GOSR2: variants seen among roughly 807,000 people sequenced by gnomAD.
GOSR2 encodes golgi SNAP receptor complex member 2, also known as 27 kDa Golgi SNARE protein.
Under a neutral mutation model 27.9 loss-of-function variants are expected in GOSR2, and 20 were observed. That is an observed-to-expected ratio of 0.72 (90% confidence interval 0.50 to 1.04). The LOEUF (loss-of-function observed/expected upper bound fraction) is 1.04, where lower values mean the gene tolerates loss of function less well. GOSR2 is among the 50% of genes least tolerant of loss of function. The pLI is 0.00. For missense variants in GOSR2, 261 were observed against 270.5 expected (o/e 0.97, Z 0.25); for synonymous variants, 91 against 98.8 (o/e 0.92, Z 0.47).
chr17:46,931,030 T>C (rs2087286424), intron 2 of GOSR2, 69 bp from the exon 3 acceptor site: 2 of 882,106 alleles, frequency 2.3e-6, no homozygotes, highest in Non-Finnish European at 3.8e-6. Context: ...AAAAAATCTG[T>C]GATTTATCAT....
intron 6 of GOSR2, among the ~76,000 whole-genome samples, chr17:46,956,383 C>T (rs555877754): frequency 8.9e-4 from 128 of 144,410 alleles, no homozygotes; most frequent in African/African-American, 3.0e-3. Flanking sequence ...CTCCACCTCC[C>T]GGGTTCAAGC....
At chr17:46,964,839 G>GAA (rs1000474497) in intron 6 of GOSR2, 1 of 152,148 alleles carries the variant, frequency 6.6e-6, no homozygotes, top group Non-Finnish European at 1.5e-5. Context: ...GACAAGAAAA[G>GAA]AAAAAAGGAG....
chr17:46,968,129 C>T (rs564727581), downstream of GOSR2, among the ~76,000 whole-genome samples: 1 of 152,206 alleles, frequency 6.6e-6, no homozygotes, highest in Non-Finnish European at 1.5e-5. Context: ...CACTGCTGTT[C>T]CTTCTCTTCA....
downstream of GOSR2, among the ~76,000 whole-genome samples, chr17:46,943,498 C>G (rs1345105130): frequency 3.3e-5 from 5 of 152,246 alleles, no homozygotes; most frequent in Non-Finnish European, 5.9e-5. Context: ...CCCCCACAAT[C>G]CCATGAAACC....
At chr17:46,932,030 G>T in intron 3 of GOSR2, 37 bp from the exon 4 acceptor site, 1 of 1,608,392 alleles carries the variant, frequency 6.2e-7, no homozygotes. Flanking sequence ...GCTGCCCTGA[G>T]TTCCTGGAAT....
In GOSR2 at chr17:46,926,226, G is replaced by A. The variant is rs527821071; in HGVS notation, c.29+3005G>A. Reference sequence around the variant, plus strand: ...TTAATGAGCGAAATGTAAAGGCAAAGTGAGTGAAATGAAAATGACCAGATT... The same window carrying A: ...TTAATGAGCGAAATGTAAAGGCAAAATGAGTGAAATGAAAATGACCAGATT... On this transcript the variant is annotated intron_variant, in intron 1 of 5. Transcript: ENST00000640051. Among the ~76,000 whole-genome samples the A allele has an allele frequency of 2.0e-5, 3 of 152,276 alleles. No homozygotes were observed. In the East Asian group the frequency reaches 5.8e-4, roughly 29 times the overall value.
At chr17:46,935,369 T>C in intron 5 of GOSR2, 200 bp downstream of exon 5, 4 of 1,446,992 alleles carry the variant, frequency 2.8e-6, no homozygotes, top group Non-Finnish European at 3.6e-6. Flanking sequence ...TTGCCAGTGC[T>C]TGAAACAAAC....
intron 4 of GOSR2, among the ~76,000 whole-genome samples, chr17:46,933,941 C>CA (rs4060607): frequency 2.8e-5 from 4 of 144,358 alleles, no homozygotes; most frequent in African/African-American, 1.0e-4. Context: ...GAGCCTGTCT[C>CA]AAAAAAAAAA....
downstream of GOSR2, among the ~76,000 whole-genome samples, chr17:46,967,705 T>G (rs1205760083): frequency 6.6e-6 from 1 of 151,838 alleles, no homozygotes; most frequent in Non-Finnish European, 1.5e-5. Context: ...GAAAACTGGC[T>G]CAAGCATTCA....
chr17:46,966,587 G>C (rs890319094), exon 7 of GOSR2: 4 of 691,936 alleles, frequency 5.8e-6, no homozygotes, highest in Middle Eastern at 2.3e-4. Flanking sequence ...GAGCTCAAGA[G>C]ATCCTCCTGC....
downstream of GOSR2, among the ~76,000 whole-genome samples, chr17:46,946,457 G>T (rs1270041224): frequency 1.1e-5 from 1 of 89,912 alleles, no homozygotes; most frequent in South Asian, 4.2e-4. Flanking sequence ...GCAAAACTCC[G>T]TCTCAAAAAA....
intron 1 of GOSR2, among the ~76,000 whole-genome samples, chr17:46,929,244 A>G (rs1209567874): frequency 1.3e-5 from 2 of 152,162 alleles, no homozygotes; most frequent in Admixed American, 1.3e-4. Context: ...TAAAATGAGG[A>G]TGATAATGGT....
Position 46,932,070 on chromosome 17 carries a change from G to T in GOSR2, c.207G>T (p.Arg69=). ...PPNKRQNARL[R]VDQLKYDVQH... ...TCTCTCTCTCCATCAATTCCAGTCG[G>T]GTTGACCAGTTAAAGTATGATGTCC... Residue 69 remains arginine, a synonymous_variant, in exon 4 of 6, where the codon CGG becomes CGT. Transcript: ENST00000640051. 1 of 1,613,656 alleles carries T rather than the reference G, an allele frequency of 6.2e-7. No homozygotes were observed. The highest frequency in any genetic ancestry group is 8.5e-7 in the Non-Finnish European group (1 of 1,179,568).
In GOSR2 at chr17:46,938,751, C is replaced by T; in HGVS notation, c.630C>T (p.Tyr210=). 1 of 1,613,890 alleles carries T rather than the reference C, an allele frequency of 6.2e-7. No individual in the cohort carries two copies. Residue 210 remains tyrosine, a synonymous_variant, in exon 6 of 6, where the codon TAC becomes TAT. Transcript: ENST00000640051. The part of the protein sequence containing the change: ...TCVVMFLVVQ[Y]LT ...TGGTCATGTTCCTCGTGGTGCAGTA[C>T]CTGACATGAGCCAGCCACGCTCAGT...
Position 46,935,154 on chromosome 17 carries a change from G to C in GOSR2, c.462G>C (p.Gln154His), listed in dbSNP as rs1264126927. ...ATATTTTAGATGGACTGAGGACCCA[G>C]AGACTGACCTTGAAGGTGGGGTCCC... ...GHNILDGLRT[Q>H]RLTLKGTQKK... is the part of the protein sequence containing the mutation. Residue 154 changes from glutamine (Q) to histidine (H), a missense_variant, in exon 5 of 6, where the codon CAG becomes CAC. By Grantham distance (24) the Gln-to-His change is conservative. Transcript: ENST00000640051. 1.2e-6 allele frequency: 2 copies of C among 1,614,076 alleles called. No individual in the cohort carries two copies. Among genetic ancestry groups the C allele is most frequent in the Non-Finnish European group, 1.7e-6 (2 of 1,179,986 alleles).
intron 6 of GOSR2, among the ~76,000 whole-genome samples, chr17:46,974,733 CAAAA>C (rs373010361): frequency 1.6e-5 from 1 of 64,370 alleles, no homozygotes. Context: ...GACTCTCTCT[CAAAA>C]AAAAAAAAAA....
Position 46,941,107 on chromosome 17 carries a change from A to C in GOSR2, c.*2347A>C. The stretch of plus-strand genomic sequence containing the variant: ...AGTTTGGTGTGCCTATTGTGATTTA[A>C]AACAGGTGGGTTATCAAGAGGAACT... On this transcript the variant is annotated 3_prime_UTR_variant, in exon 6 of 6. Transcript: ENST00000640051. 1 of 1,025,492 alleles carries C rather than the reference A, an allele frequency of 9.8e-7. No individual in the cohort carries two copies. Among genetic ancestry groups the C allele is most frequent in the Non-Finnish European group, 1.2e-6 (1 of 852,704 alleles). The allele number at this position is 1,025,492 out of a possible 1,614,324, so 63.5% of individuals were successfully genotyped here.
intron 6 of GOSR2, among the ~76,000 whole-genome samples, chr17:46,974,758 C>T (rs907051839): frequency 1.0e-4 from 15 of 147,734 alleles, no homozygotes; most frequent in African/African-American, 2.7e-4. Flanking sequence ...AAGGTCATCT[C>T]AAGTGAAACT....
At chr17:46,945,909 G>T (rs571604281), downstream of GOSR2, among the ~76,000 whole-genome samples, 27 of 152,344 alleles carry the variant, frequency 1.8e-4, no homozygotes, top group African/African-American at 6.3e-4. Flanking sequence ...TTGTTGCTAT[G>T]TGCATGGAGT....
Sources: allele counts gnomAD v4.1 joint callset (sites outside exome capture counted in the v4.1 genomes callset), GRCh38; gene constraint gnomAD v4.1.1; transcripts MANE v1.5; gene names NCBI Gene and HGNC (gene_info 2026-07-23, HGNC 2026-07-21).